The following HACD2 variants were observed in gnomAD, a reference collection of about 807,000 sequenced individuals.
The protein encoded by HACD2 is 3-hydroxyacyl-CoA dehydratase 2.
A neutral mutation model predicts 31.0 loss-of-function variants in HACD2; 15 were observed. The ratio of observed to expected loss-of-function variants is 0.48; its 90% CI spans 0.32 to 0.75. The LOEUF (loss-of-function observed/expected upper bound fraction) is 0.75. HACD2 is among the 30% of genes least tolerant of loss of function. The pLI is 0.03. For missense variants in HACD2, 283 were observed against 313.0 expected (o/e 0.90, Z 0.72); for synonymous variants, 115 against 122.2 (o/e 0.94, Z 0.39).
At chr3:123,547,637 C>T (rs2056574662) in intron 3 of HACD2, among the ~76,000 whole-genome samples, 2 of 152,152 alleles carry the variant, frequency 1.3e-5, no homozygotes, top group South Asian at 4.1e-4. Context: ...GAGTCATCAG[C>T]CCACTTGGCT....
chr3:123,542,661 T>A (rs901212142), intron 3 of HACD2, among the ~76,000 whole-genome samples: 1 of 152,256 alleles, frequency 6.6e-6, no homozygotes, highest in African/African-American at 2.4e-5. Context: ...TCTAATATTT[T>A]AAAAATGAGA....
chr3:123,497,548 C>A (rs1357365119), intron 6 of HACD2, among the ~76,000 whole-genome samples: 1 of 152,210 alleles, frequency 6.6e-6, no homozygotes, highest in Non-Finnish European at 1.5e-5. Flanking sequence ...TCACTGACAA[C>A]CTGGAAAGCG....
intron 3 of HACD2, among the ~76,000 whole-genome samples, chr3:123,554,365 G>C (rs2056651582): frequency 6.6e-6 from 1 of 152,016 alleles, no homozygotes. Flanking sequence ...GCTGGACATG[G>C]TGGTACACAT....
intron 3 of HACD2, among the ~76,000 whole-genome samples, chr3:123,552,733 GA>G (rs911881222): frequency 2.5e-4 from 38 of 151,960 alleles, no homozygotes; most frequent in African/African-American, 8.9e-4. Flanking sequence ...ACTGAAAATA[GA>G]AATGGACTAA....
At chr3:123,528,153 A>G (rs1310941976) in intron 4 of HACD2, among the ~76,000 whole-genome samples, 1 of 152,216 alleles carries the variant, frequency 6.6e-6, no homozygotes. Context: ...ATGAGAACTC[A>G]GATTACAGGA....
At chr3:123,575,537 T>G (rs1300871990) in intron 2 of HACD2, among the ~76,000 whole-genome samples, 1 of 152,260 alleles carries the variant, frequency 6.6e-6, no homozygotes, top group East Asian at 1.9e-4. Flanking sequence ...TATTGGACAG[T>G]GCTAGTCTGA....
intron 3 of HACD2, among the ~76,000 whole-genome samples, chr3:123,555,854 T>C (rs2056667257): frequency 6.6e-6 from 1 of 152,074 alleles, no homozygotes. Context: ...ATTGGCAAAA[T>C]AATAAACATA....
At chr3:123,535,640 T>C (rs1181149286) in intron 3 of HACD2, among the ~76,000 whole-genome samples, 3 of 152,078 alleles carry the variant, frequency 2.0e-5, no homozygotes, top group South Asian at 2.1e-4. Context: ...CTGGATAGAG[T>C]GTGACAGAAC....
chr3:123,541,831 C>G (rs1333663390), intron 3 of HACD2, among the ~76,000 whole-genome samples: 2 of 152,086 alleles, frequency 1.3e-5, no homozygotes, highest in South Asian at 4.1e-4. Flanking sequence ...GAAATGTTCA[C>G]AATGTAAAAT....
At chr3:123,540,017 G>A (rs2056470400) in intron 3 of HACD2, among the ~76,000 whole-genome samples, 1 of 145,850 alleles carries the variant, frequency 6.9e-6, no homozygotes, top group South Asian at 2.2e-4. Flanking sequence ...GCCTGAGTCT[G>A]AGGCTACAAT....
intron 3 of HACD2, among the ~76,000 whole-genome samples, chr3:123,542,376 A>C (rs2056504224): frequency 6.6e-6 from 1 of 152,146 alleles, no homozygotes; most frequent in South Asian, 2.1e-4. Context: ...GTGAATATTA[A>C]AAAAGAATCA....
At chr3:123,564,628 G>A (rs2056771783) in intron 3 of HACD2, among the ~76,000 whole-genome samples, 2 of 152,104 alleles carry the variant, frequency 1.3e-5, no homozygotes, top group Admixed American at 1.3e-4. Context: ...CCAACTGCAG[G>A]GTTCAGGTAT....
chr3:123,512,750 T>C (rs2056079529), intron 4 of HACD2, among the ~76,000 whole-genome samples: 1 of 152,114 alleles, frequency 6.6e-6, no homozygotes, highest in South Asian at 2.1e-4. Flanking sequence ...TAGACTGTGG[T>C]TGGAGGGATC....
At chr3:123,525,764 A>AATTTGAAC (rs2056275679) in intron 4 of HACD2, among the ~76,000 whole-genome samples, 1 of 152,226 alleles carries the variant, frequency 6.6e-6, no homozygotes, top group South Asian at 2.1e-4. Flanking sequence ...GTGTGAAAAG[A>AATTTGAAC]ATTTGAACAT....
intron 3 of HACD2, among the ~76,000 whole-genome samples, chr3:123,544,834 G>A (rs915767551): frequency 2.6e-5 from 4 of 151,762 alleles, no homozygotes; most frequent in Non-Finnish European, 5.9e-5. Context: ...TTTCAAGATG[G>A]TAACACAGGC....
chr3:123,537,908 A>G (rs2056445738), intron 3 of HACD2, among the ~76,000 whole-genome samples: 1 of 152,246 alleles, frequency 6.6e-6, no homozygotes, highest in Non-Finnish European at 1.5e-5. Context: ...ACAATAAATT[A>G]AACTTTTGGC....
intron 2 of HACD2, among the ~76,000 whole-genome samples, chr3:123,573,099 A>G (rs1413434151): frequency 6.6e-6 from 1 of 152,240 alleles, no homozygotes; most frequent in Non-Finnish European, 1.5e-5. Context: ...TACGGTGCAG[A>G]GGTCCATAAC....
rs984300656 is a variant in HACD2, at chr3:123,529,915, A to T, written c.293-1441T>A. On this transcript the variant is annotated intron_variant, in intron 3 of 6. Transcript: ENST00000383657. ...GTGGATTTCCTCTAGAAACCAATTT[A>T]AAAAAAAAAATATATTGAAGATGGA... Among the ~76,000 whole-genome samples, 7 of 148,076 alleles carry T rather than the reference A, an allele frequency of 4.7e-5. No homozygotes were observed. The East Asian group carries it at 5.8e-4, about 12-fold the overall frequency.
chr3:123,548,166 A>ATGTG (rs1381274029), intron 3 of HACD2, among the ~76,000 whole-genome samples: 1 of 152,028 alleles, frequency 6.6e-6, no homozygotes, highest in African/African-American at 2.4e-5. Context: ...CTAGGGCGTG[A>ATGTG]TGTGGGCTTA....
Sources: gnomAD v4.1 joint callset for allele counts (sites outside exome capture counted in the v4.1 genomes callset) on GRCh38, gnomAD v4.1.1 for gene constraint, MANE v1.5 for transcripts, NCBI Gene and HGNC (gene_info 2026-07-23, HGNC 2026-07-21) for gene names.